OXNAD1: variants seen among roughly 807,000 people sequenced by gnomAD.
OXNAD1 encodes oxidoreductase NAD binding domain containing 1.
A neutral mutation model predicts 32.9 loss-of-function variants in OXNAD1; 34 were observed. That is an observed-to-expected ratio of 1.03 (90% CI 0.79 to 1.38). The LOEUF (loss-of-function observed/expected upper bound fraction) is 1.38. OXNAD1 is among the 40% of genes most tolerant of loss of function. The pLI is 0.00. For missense variants in OXNAD1, 407 were observed against 379.4 expected (o/e 1.07, Z -0.60); for synonymous variants, 134 against 135.2 (o/e 0.99, Z 0.06).
rs538743030 is a variant in OXNAD1 at position 16,292,584 on chromosome 3, T to TG, written c.291-2268dup. 2.3e-3 allele frequency among the ~76,000 whole-genome samples: 345 copies of TG among 152,302 alleles called. 3 individuals carry two copies. The highest frequency in any genetic ancestry group is 8.1e-3 in the African/African-American group (337 of 41,566). On this transcript the variant is annotated intron_variant, in intron 5 of 8. Coordinates refer to ENST00000285083, the MANE Select transcript of OXNAD1 (RefSeq NM_138381.5). ...TATTTTTTTTCCAACCCTTTTGGTT[T>TG]GGGGTCATATCTAAGAAGCCATTGC...
In OXNAD1 at chr3:16,344,120, T is replaced by A. The variant is rs903270739; in HGVS notation, c.*31-5056T>A. Among the ~76,000 whole-genome samples, 2 of 152,224 alleles carry A rather than the reference T, an allele frequency of 1.3e-5. No homozygotes were observed. Among genetic ancestry groups the A allele is most frequent in the African/African-American group, 4.8e-5 (2 of 41,464 alleles). ...TGTATTAACTCTTTTTCATTGGAAT[T>A]GCTGTCAAATCAGGTATGCTTCATT... On this transcript the variant is annotated intron_variant, in intron 9 of 9. Coordinates refer to the OXNAD1 transcript ENST00000606098. This position sits in a 1 kb window ranked among gnomAD's most constrained non-coding sequence, Gnocchi z 4.4.
rs532057318 is a variant in OXNAD1 at position 16,345,829 on chromosome 3, T to C, written c.*31-3347T>C. 0.043 allele frequency among the ~76,000 whole-genome samples: 3,009 copies of C among 69,602 alleles called. 65 individuals are homozygous for C. The highest frequency in any genetic ancestry group is 0.12 in the African/African-American group (2,219 of 18,706). 45.7% of individuals were successfully genotyped at this position (69,602 alleles called of 152,430 possible). A position where few individuals can be genotyped will look rare whatever the true frequency, so the allele number is the denominator to read the frequency against. ...GTGTGTGTGTGTGTGCGCGCGCGCG[T>C]GCGCGCACGCGCACATGTGCATGTG... On this transcript the variant is annotated intron_variant, in intron 9 of 9. Coordinates refer to the OXNAD1 transcript ENST00000606098. This position sits in a 1 kb window ranked among gnomAD's most constrained non-coding sequence, Gnocchi z 5.2.
At chr3:16,323,365 A>G (rs751034312) in intron 9 of OXNAD1, 4 of 1,594,258 alleles carry the variant, frequency 2.5e-6, no homozygotes, top group Non-Finnish European at 3.4e-6. Context: ...AAGGCCATCA[A>G]AGTCTCTTAC....
chr3:16,293,349 A>G (rs1362402254), intron 5 of OXNAD1, among the ~76,000 whole-genome samples: 3 of 152,202 alleles, frequency 2.0e-5, no homozygotes, highest in Non-Finnish European at 4.4e-5. Flanking sequence ...ATAGAGATAC[A>G]GTTGATTTTT....
chr3:16,296,895 G>C (rs1158954760), intron 6 of OXNAD1, among the ~76,000 whole-genome samples: 1 of 152,052 alleles, frequency 6.6e-6, no homozygotes, highest in African/African-American at 2.4e-5. Flanking sequence ...TACTATAAAA[G>C]TTCTAGAAGA....
chr3:16,321,730 G>A lies in OXNAD1; in HGVS notation c.*31-15382G>A, dbSNP rs1035027678. On this transcript the variant is annotated intron_variant, in intron 9 of 9. Transcript: ENST00000435829. This position sits in a 1 kb window ranked among gnomAD's most constrained non-coding sequence, Gnocchi z 4.8. ...GAAAGAGAAAGCAGTCCACCCAGAT[G>A]AGTACAGCTGCTTGGGATTAGAAGT... Among the ~76,000 whole-genome samples the A allele has an allele frequency of 2.6e-5, 4 of 152,202 alleles. No homozygotes were observed. The highest frequency in any genetic ancestry group is 7.2e-5 in the African/African-American group (3 of 41,444).
At chr3:16,273,742 G>A (rs2065128276) in intron 4 of OXNAD1, among the ~76,000 whole-genome samples, 1 of 152,120 alleles carries the variant, frequency 6.6e-6, no homozygotes, top group Non-Finnish European at 1.5e-5. Context: ...ATAGGAACTT[G>A]CACAGCATCC....
chr3:16,272,965 T>G (rs1312778439), intron 4 of OXNAD1, among the ~76,000 whole-genome samples: 1 of 152,126 alleles, frequency 6.6e-6, no homozygotes, highest in Non-Finnish European at 1.5e-5. Flanking sequence ...ATACTTTAGA[T>G]TTTTTGGGCC....
intron 9 of OXNAD1, among the ~76,000 whole-genome samples, chr3:16,311,893 T>G (rs1242723158): frequency 6.6e-6 from 1 of 152,220 alleles, no homozygotes; most frequent in African/African-American, 2.4e-5. Context: ...CATTGCTGTC[T>G]TCTCAGCACC....
In OXNAD1 at chr3:16,346,110, C is replaced by T. The variant is rs2071702404; in HGVS notation, c.*31-3066C>T. On this transcript the variant is annotated intron_variant, in intron 9 of 9. Transcript: ENST00000606098. The surrounding 1 kb of genome is among the most constrained non-coding windows in gnomAD (Gnocchi z 4.4). Reference sequence around the variant, plus strand: ...GTTCCTATGATTTAGGGTCTTCCAGCACCCCTCAGGAAGCTTGACAATGAA... The same window carrying T: ...GTTCCTATGATTTAGGGTCTTCCAGTACCCCTCAGGAAGCTTGACAATGAA... The T allele has an allele frequency of 6.6e-6, 1 of 152,120 alleles. No homozygotes were observed. The highest frequency in any genetic ancestry group is 1.5e-5 in the Non-Finnish European group (1 of 68,032). 9.4% of individuals were successfully genotyped at this position (152,120 alleles called of 1,614,324 possible).
At position 16,321,936 on chromosome 3, in the gene OXNAD1, CAT is replaced by C. The variant is rs2069108024; in HGVS notation, c.*31-15175_*31-15174del. Among the ~76,000 whole-genome samples, 1 of 152,236 alleles carries C rather than the reference CAT, an allele frequency of 6.6e-6. No individual in the cohort carries two copies. Among genetic ancestry groups the C allele is most frequent in the Non-Finnish European group, 1.5e-5 (1 of 68,042 alleles). On this transcript the variant is annotated intron_variant, in intron 9 of 9. Coordinates refer to the OXNAD1 transcript ENST00000435829. This position sits in a 1 kb window ranked among gnomAD's most constrained non-coding sequence, Gnocchi z 4.8. ...TGACCTTCACACCAACATCCAACCA[CAT>C]GTCTCTCCTTTGGAATCTGTGTGCC...
At chr3:16,340,449 T>C (rs544557511), downstream of OXNAD1, among the ~76,000 whole-genome samples, 16 of 152,210 alleles carry the variant, frequency 1.1e-4, no homozygotes, top group Admixed American at 3.3e-4. Context: ...CCAGCTGACA[T>C]ATGAGAGAGC....
chr3:16,294,828 A>G, intron 5 of OXNAD1, 28 bp from the exon 6 acceptor site: 2 of 1,589,748 alleles, frequency 1.3e-6, no homozygotes, highest in African/African-American at 1.4e-5. Flanking sequence ...TGCTTCAACA[A>G]TAATCATTTA....
downstream of OXNAD1, among the ~76,000 whole-genome samples, chr3:16,310,578 T>C (rs1459392735): frequency 6.6e-6 from 1 of 152,228 alleles, no homozygotes; most frequent in African/African-American, 2.4e-5. Context: ...AAACTGTCTC[T>C]GGATGAATGA....
chr3:16,311,758 C>T (rs1329158776), intron 9 of OXNAD1, among the ~76,000 whole-genome samples: 1 of 152,038 alleles, frequency 6.6e-6, no homozygotes, highest in African/African-American at 2.4e-5. Flanking sequence ...GGGATCCCTG[C>T]ATTTTCCTCA....
intron 1 of OXNAD1, among the ~76,000 whole-genome samples, chr3:16,267,728 A>C (rs571918797): frequency 9.2e-5 from 14 of 152,152 alleles, no homozygotes; most frequent in African/African-American, 3.4e-4. Flanking sequence ...GTTTACTACT[A>C]TCTGTCTCTG....
At position 16,289,943 on chromosome 3, in the gene OXNAD1, C is replaced by T. The variant is rs2066318676; in HGVS notation, c.290+3495C>T. On this transcript the variant is annotated intron_variant, in intron 5 of 8. Coordinates refer to ENST00000285083, the MANE Select transcript of OXNAD1 (RefSeq NM_138381.5). This position sits in a 1 kb window ranked among gnomAD's most constrained non-coding sequence, Gnocchi z 4.9. ...ACTAAGACATATGTGCATCTTTGTA[C>T]CTCCAGCAAGTACCACAGTGCCTGT... Among the ~76,000 whole-genome samples the T allele has an allele frequency of 6.6e-6, 1 of 152,188 alleles. No homozygotes were observed. The highest frequency in any genetic ancestry group is 2.4e-5 in the African/African-American group (1 of 41,446).
chr3:16,324,254 C>T (rs1229626484), intron 9 of OXNAD1, among the ~76,000 whole-genome samples: 2 of 152,108 alleles, frequency 1.3e-5, no homozygotes, highest in Non-Finnish European at 2.9e-5. Context: ...TTAACAAATC[C>T]ATCACCTCAC....
downstream of OXNAD1, among the ~76,000 whole-genome samples, chr3:16,340,448 A>G (rs941899747): frequency 1.3e-5 from 2 of 152,238 alleles, no homozygotes; most frequent in African/African-American, 4.8e-5. Flanking sequence ...ACCAGCTGAC[A>G]TATGAGAGAG....
Sources: allele counts gnomAD v4.1 joint callset (sites outside exome capture counted in the v4.1 genomes callset), GRCh38; gene constraint gnomAD v4.1.1; non-coding constraint Gnocchi (gnomAD v3.1); transcripts MANE v1.5; gene names NCBI Gene and HGNC (gene_info 2026-07-23, HGNC 2026-07-21).